Variants in ATXN1 observed in about 807,000 individuals in gnomAD.
The protein encoded by ATXN1 is ataxin-1.
Under a neutral mutation model 56.4 loss-of-function variants are expected in ATXN1, and 8 were observed. The observed-to-expected ratio is 0.14, with a 90% CI of 0.08 to 0.26. ATXN1 has a LOEUF of 0.26. Ranked by LOEUF, ATXN1 falls within the 10% of genes least tolerant of loss-of-function variation. The pLI is 1.00. For missense variants in ATXN1, 987 were observed against 1,106.5 expected (o/e 0.89, Z 1.53); for synonymous variants, 514 against 494.6 (o/e 1.04, Z -0.52).
chr6:16,299,338 C>T lies in ATXN1; in HGVS notation c.*6991G>A, dbSNP rs568962977. Reference sequence around the variant, plus strand: ...GTGTATCCTACAAATAGACACACCACGATTAGAAAATAGAATATGAATTCT... The same window carrying T: ...GTGTATCCTACAAATAGACACACCATGATTAGAAAATAGAATATGAATTCT... On this transcript the variant is annotated 3_prime_UTR_variant, in exon 8 of 8. Transcript: ENST00000436367. 4 of 152,428 alleles carry T rather than the reference C, an allele frequency of 2.6e-5. No homozygotes were observed. Among genetic ancestry groups the T allele is most frequent in the Admixed American group, 2.0e-4 (3 of 15,272 alleles). The allele number at this position is 152,428 out of a possible 1,614,324, so 9.4% of individuals were successfully genotyped here. A position where few individuals can be genotyped will look rare whatever the true frequency, so the allele number is the denominator to read the frequency against.
chr6:16,337,665 C>T (rs1307985408), intron 6 of ATXN1, among the ~76,000 whole-genome samples: 1 of 152,172 alleles, frequency 6.6e-6, no homozygotes, highest in African/African-American at 2.4e-5. Context: ...TGCTTTAAAG[C>T]GTAGTGCATT....
chr6:16,724,235 A>G (rs1759802055), intron 2 of ATXN1, among the ~76,000 whole-genome samples: 1 of 152,122 alleles, frequency 6.6e-6, no homozygotes, highest in Non-Finnish European at 1.5e-5. Context: ...GCAAAGAGGA[A>G]AAATATTACT....
chr6:16,472,472 G>C (rs189705273), intron 6 of ATXN1, among the ~76,000 whole-genome samples: 158 of 152,284 alleles, frequency 1.0e-3, no homozygotes, highest in African/African-American at 3.7e-3. Context: ...CAATGAGTCA[G>C]TGTTTATGCA....
chr6:16,611,994 G>A (rs1763117122), intron 3 of ATXN1, among the ~76,000 whole-genome samples: 1 of 150,694 alleles, frequency 6.6e-6, no homozygotes, highest in African/African-American at 2.4e-5. Flanking sequence ...CGAGTAGCTG[G>A]GACTACAGGT....
intron 4 of ATXN1, among the ~76,000 whole-genome samples, chr6:16,561,832 G>A (rs1449947363): frequency 6.6e-6 from 1 of 152,024 alleles, no homozygotes; most frequent in Non-Finnish European, 1.5e-5. Flanking sequence ...GGTGTGAGAG[G>A]AACATGTATA....
chr6:16,629,315 G>A lies in ATXN1; in HGVS notation c.-489+28461C>T, dbSNP rs115199126. Among the ~76,000 whole-genome samples, 1,037 of 152,144 alleles carry A rather than the reference G, an allele frequency of 6.8e-3. 11 individuals are homozygous for A. Among genetic ancestry groups the A allele is most frequent in the African/African-American group, 0.024 (1,008 of 41,506 alleles). ...TGTCCTTTGCTCACTTTTTCATGGG[G>A]TTGAAAGTAACCTTCTCCCCGCCTC... On this transcript the variant is annotated intron_variant, in intron 3 of 7. Transcript: ENST00000436367.
chr6:16,312,482 C>T (rs1760415255), intron 7 of ATXN1, among the ~76,000 whole-genome samples: 2 of 151,690 alleles, frequency 1.3e-5, no homozygotes, highest in African/African-American at 4.8e-5. Flanking sequence ...ACACAAACAA[C>T]AATCATGTAC....
intron 3 of ATXN1, among the ~76,000 whole-genome samples, chr6:16,594,268 T>A (rs1457626331): frequency 1.3e-5 from 2 of 151,506 alleles, no homozygotes; most frequent in Non-Finnish European, 2.9e-5. Context: ...AGCATAAGTT[T>A]CCCTGGGTTA....
intron 2 of ATXN1, chr6:16,753,008 A>C (rs1760769557): frequency 1.0e-5 from 3 of 291,032 alleles, no homozygotes; most frequent in South Asian, 5.9e-5. Context: ...GTCAAATGAA[A>C]GTCTTCATGA....
intron 3 of ATXN1, among the ~76,000 whole-genome samples, chr6:16,620,042 T>A (rs1244310751): frequency 1.3e-5 from 2 of 152,146 alleles, no homozygotes; most frequent in Non-Finnish European, 2.9e-5. Context: ...TTTACATGTA[T>A]GTAAAGCACT....
chr6:16,593,693 T>C (rs1386062600), intron 3 of ATXN1, among the ~76,000 whole-genome samples: 1 of 152,156 alleles, frequency 6.6e-6, no homozygotes, highest in Non-Finnish European at 1.5e-5. Flanking sequence ...ATACTGTATA[T>C]AGTCTTTTGT....
intron 6 of ATXN1, among the ~76,000 whole-genome samples, chr6:16,402,559 T>C (rs1758599563): frequency 6.6e-6 from 1 of 152,154 alleles, no homozygotes. Flanking sequence ...ACATTACTTA[T>C]GAGATCTTTC....
chr6:16,377,556 C>T (rs186080687), intron 6 of ATXN1, among the ~76,000 whole-genome samples: 3 of 152,208 alleles, frequency 2.0e-5, no homozygotes, highest in East Asian at 1.9e-4. Flanking sequence ...CCCATGGTCT[C>T]GCGGGGAGAC....
In ATXN1 at chr6:16,472,980, A is replaced by G. The variant is rs902585572; in HGVS notation, c.-161+12992T>C. 2.2e-4 allele frequency among the ~76,000 whole-genome samples: 34 copies of G among 152,216 alleles called. 1 individual carries two copies. Among genetic ancestry groups the G allele is most frequent in the Admixed American group, 1.3e-3 (20 of 15,292 alleles). On this transcript the variant is annotated intron_variant, in intron 6 of 7. Transcript: ENST00000436367. ...CTGGAAGATTAGGTCCTGGGTTTTT[A>G]GTTTTCCTTCTTGTCTTCCTCTGTT...
At chr6:16,311,270 T>C (rs1263891846) in intron 7 of ATXN1, among the ~76,000 whole-genome samples, 1 of 152,240 alleles carries the variant, frequency 6.6e-6, no homozygotes, top group Non-Finnish European at 1.5e-5. Flanking sequence ...ACTTGCCTAA[T>C]GTCATAGCTA....
intron 6 of ATXN1, among the ~76,000 whole-genome samples, chr6:16,332,249 C>T (rs1235408669): frequency 1.3e-5 from 2 of 152,082 alleles, no homozygotes; most frequent in African/African-American, 2.4e-5. Flanking sequence ...GGGAAACCCA[C>T]GGGTAGAGAT....
At chr6:16,658,434 G>A (rs1758251975) in intron 2 of ATXN1, among the ~76,000 whole-genome samples, 1 of 129,174 alleles carries the variant, frequency 7.7e-6, no homozygotes, top group African/African-American at 3.3e-5. Flanking sequence ...GGTAATGCAT[G>A]GGTTTCCCTT....
chr6:16,744,577 G>T (rs1186213572), intron 2 of ATXN1, among the ~76,000 whole-genome samples: 1 of 152,154 alleles, frequency 6.6e-6, no homozygotes, highest in Admixed American at 6.5e-5. Context: ...GGATGCCACA[G>T]CCAGGAAACC....
chr6:16,623,503 C>T (rs1170381844), intron 3 of ATXN1, among the ~76,000 whole-genome samples: 1 of 152,196 alleles, frequency 6.6e-6, no homozygotes, highest in South Asian at 2.1e-4. Context: ...TTCTAGCCAA[C>T]TCATCACAAT....
Sources: gnomAD v4.1 joint callset for allele counts (sites outside exome capture counted in the v4.1 genomes callset) on GRCh38, gnomAD v4.1.1 for gene constraint, MANE v1.5 for transcripts, NCBI Gene and HGNC (gene_info 2026-07-23, HGNC 2026-07-21) for gene names.